The following CYP2D6 variants were observed in gnomAD, a reference collection of about 807,000 sequenced individuals.
CYP2D6 encodes cytochrome P450 2D6.
In CYP2D6, 51 loss-of-function variants were observed where a neutral mutation model predicts 43.5. The ratio of observed to expected loss-of-function variants is 1.17; its 90% CI spans 0.94 to 1.48. CYP2D6 has a LOEUF of 1.48. CYP2D6 is among the 40% of genes most tolerant of loss of function. The probability of loss-of-function intolerance (pLI) is 0.00; values close to 1 mark genes in which losing one functional copy is unlikely to be tolerated. For synonymous variants in CYP2D6, 346 were observed against 297.1 expected, an observed-to-expected ratio of 1.16 and a Z score of -1.69; for missense variants, 698 against 688.0, an observed-to-expected ratio of 1.01 and a Z score of -0.16.
intron 1 of CYP2D6, 181 bp downstream of exon 1, chr22:42,130,431 C>T: frequency 2.6e-6 from 2 of 762,188 alleles, no homozygotes; most frequent in Non-Finnish European, 2.2e-6. Context: ...TCTTCCTTGG[C>T]CTTTGGAAAA....
In CYP2D6 at chr22:42,127,482, G is replaced by A. The variant is rs141739595; in HGVS notation, c.1138C>T (p.Arg380Cys). The change falls in exon 7 of 9, where the codon CGT becomes TGT. Residue 380 changes from arginine (R) to cysteine (C), a missense_variant. Physicochemically the swap from Arg to Cys is radical, Grantham distance 180. This residue lies in a region of CYP2D6 where 16 missense variants were observed against 30.5 expected (regional missense o/e 0.52). Coordinates refer to ENST00000645361, the MANE Select transcript of CYP2D6 (RefSeq NM_000106.6). ...CGGAAGCCCTGTACTTCGATGTCAC[G>A]GGATGTCATATGGGTCACACCCAGG... ...VPLGVTHMTS[R>C]DIEVQGFRIP... 2.0e-5 allele frequency: 32 copies of A among 1,611,328 alleles called. No homozygotes were observed. The highest frequency in any genetic ancestry group is 8.0e-5 in the African/African-American group (6 of 74,680).
At chr22:42,127,693 C>G in intron 6 of CYP2D6, 59 bp from the exon 7 acceptor site, 2 of 1,583,732 alleles carry the variant, frequency 1.3e-6, no homozygotes, top group South Asian at 2.2e-5. Context: ...CCCTGACACT[C>G]CTTCTTGCCT....
chr22:42,128,530 A>G (rs1252079372), intron 4 of CYP2D6, among the ~76,000 whole-genome samples, 180 bp from the exon 5 acceptor site: 1 of 150,092 alleles, frequency 6.7e-6, no homozygotes, highest in African/African-American at 2.5e-5. Context: ...AGAAACCTAA[A>G]ATCGAAATCT....
Position 42,128,002 on chromosome 22 carries a change from A to G in CYP2D6, c.844-19T>C. The G allele has an allele frequency of 6.2e-7, 1 of 1,611,338 alleles. No homozygotes were observed. Among genetic ancestry groups the G allele is most frequent in the Non-Finnish European group, 8.5e-7 (1 of 1,178,312 alleles). The stretch of plus-strand genomic sequence containing the variant: ...CCTTGGCCTGAGCAGGGCCGAGAGC[A>G]TACTCGGGACAGAACGGGGTAGCCC... On this transcript the variant is annotated intron_variant, in intron 5 of 8. Transcript: ENST00000645361.
chr22:42,129,467 C>G (rs940850564), intron 2 of CYP2D6: 15 of 725,694 alleles, frequency 2.1e-5, no homozygotes, highest in African/African-American at 5.2e-5. Flanking sequence ...CCCCGCCCCC[C>G]ACTTCGACAC....
rs755706099 is a variant in CYP2D6, at chr22:42,128,213, G to A, written c.804C>T (p.Pro268=). 6 of 1,609,782 alleles carry A rather than the reference G, an allele frequency of 3.7e-6. No individual in the cohort carries two copies. The highest frequency in any genetic ancestry group is 3.3e-5 in the Admixed American group (2 of 59,736). ...CCAGGAAGGCCTCAGTCAGGTCTCG[G>A]GGGGGCTGGGCTGGGTCCCAGGTCA... ...HRMTWDPAQP[P]RDLTEAFLAE... The change falls in exon 5 of 9, where the codon CCC becomes CCT. Residue 268 remains proline (P), a synonymous_variant. Coordinates refer to ENST00000645361, the MANE Select transcript of CYP2D6 (RefSeq NM_000106.6).
chr22:42,129,150 C>A lies in CYP2D6; in HGVS notation c.388G>T (p.Glu130Ter), dbSNP rs771490928. 3.7e-6 allele frequency: 6 copies of A among 1,608,560 alleles called. No homozygotes were observed. In the Admixed American group the frequency reaches 5.0e-5, roughly 13 times the overall value. ...FLARYGPAWREQRRFSVSTLR... is the reference protein window; with the variant it reads ...FLARYGPAWR ...GTGGACACGGAGAAGCGCCTCTGCTCGCGCCACGCGGGCCCATAGCGCGCC... is the reference window on the plus strand; with the variant it reads ...GTGGACACGGAGAAGCGCCTCTGCTAGCGCCACGCGGGCCCATAGCGCGCC... Residue 130 changes from glutamate to a stop codon, truncating the protein, a stop_gained, in exon 3 of 9, where the codon GAG becomes TAG. Coordinates refer to ENST00000645361, the MANE Select transcript of CYP2D6 (RefSeq NM_000106.6). LOFTEE classifies it high-confidence loss of function.
chr22:42,129,267 C>G, intron 2 of CYP2D6, 82 bp from the exon 3 acceptor site: 1 of 1,511,992 alleles, frequency 6.6e-7, no homozygotes, highest in Non-Finnish European at 9.0e-7. Flanking sequence ...CTATGCTCCC[C>G]CTGGTCTCCC....
Position 42,128,336 on chromosome 22 carries a change from G to A in CYP2D6, c.681C>T (p.Val227=). 1 of 1,610,302 alleles carries A rather than the reference G, an allele frequency of 6.2e-7. No homozygotes were observed. Among genetic ancestry groups the A allele is most frequent in the South Asian group, 1.1e-5 (1 of 90,876 alleles). ...GCGCTGGGATATGCAGGAGGACGGGGACAGCATTCAGCACCTACACCAGAC... is the reference window on the plus strand; with the variant it reads ...GCGCTGGGATATGCAGGAGGACGGGAACAGCATTCAGCACCTACACCAGAC... ...SGFLREVLNA[V]PVLLHIPALA... Residue 227 remains valine (V), a synonymous_variant, in exon 5 of 9, where the codon GTC becomes GTT. Transcript: ENST00000645361.
chr22:42,127,631 C>A lies in CYP2D6; in HGVS notation c.989G>T (p.Arg330Leu), dbSNP rs141009491. Residue 330 changes from arginine (R) to leucine (L), a missense_variant, in exon 7 of 9, where the codon CGT becomes CTT. Coordinates refer to ENST00000645361, the MANE Select transcript of CYP2D6 (RefSeq NM_000106.6). Reference sequence around the variant, plus strand: ...CACGTCGTCGATCTCCTGTTGGACACGGCCTGGACAGACATGCGTCCCCAC... The same window carrying A: ...CACGTCGTCGATCTCCTGTTGGACAAGGCCTGGACAGACATGCGTCCCCAC... ...LMILHPDVQRRVQQEIDDVIG... is the reference protein window; with the variant it reads ...LMILHPDVQRLVQQEIDDVIG... 3 of 1,611,192 alleles carry A rather than the reference C, an allele frequency of 1.9e-6. 1 individual carries two copies. Among genetic ancestry groups the A allele is most frequent in the Non-Finnish European group, 2.5e-6 (3 of 1,178,110 alleles).
chr22:42,128,766 C>G lies in CYP2D6; in HGVS notation c.666+18G>C, dbSNP rs769541045. The G allele has an allele frequency of 1.9e-6, 3 of 1,565,004 alleles. No homozygotes were observed. Among genetic ancestry groups the G allele is most frequent in the Non-Finnish European group, 8.7e-7 (1 of 1,148,068 alleles). ...GGGAGCTCGCCCTGCAGAGACTCCT[C>G]GGTCTCTCGCTCCGCACCTCGCGCA... On this transcript the variant is annotated intron_variant, in intron 4 of 8. Transcript: ENST00000645361.
In CYP2D6 at chr22:42,130,713, G is replaced by C. The variant is rs2146944544; in HGVS notation, c.79C>G (p.Gln27Glu). 2 of 1,602,998 alleles carry C rather than the reference G, an allele frequency of 1.2e-6. No homozygotes were observed. Among genetic ancestry groups the C allele is most frequent in the African/African-American group, 1.3e-5 (1 of 74,118 alleles). Residue 27 changes from glutamine (Q) to glutamate (E), a missense_variant, in exon 1 of 9, where the codon CAA (glutamine) becomes GAA (glutamate). Gln to Glu is a conservative substitution (Grantham distance 29). Transcript: ENST00000645361. ...GGTGGGTAGCGTGCAGCCCAGCGTT[G>C]GCGCCGGTGCATCAGGTCCACCAGG... is the stretch of plus-strand genomic sequence containing the variant. Reference protein sequence around the residue: ...LLLVDLMHRRQRWAARYPPGP... With the variant: ...LLLVDLMHRRERWAARYPPGP...
Position 42,130,806 on chromosome 22 carries a change from C to T in CYP2D6, c.-15G>A. 2 of 1,555,906 alleles carry T rather than the reference C, an allele frequency of 1.3e-6. No homozygotes were observed. The highest frequency in any genetic ancestry group is 1.7e-6 in the Non-Finnish European group (2 of 1,148,744). The stretch of plus-strand genomic sequence containing the variant: ...TCTAGCCCCATACCTGCCTCACTAC[C>T]AAATGGGCTCCTCTGGACACACCTG... On this transcript the variant is annotated 5_prime_UTR_variant, in exon 1 of 9. Coordinates refer to ENST00000645361, the MANE Select transcript of CYP2D6 (RefSeq NM_000106.6).
rs76327133 is a variant in CYP2D6, at chr22:42,128,668, G to A, written c.666+116C>T. The A allele has an allele frequency of 5.7e-3, 7,185 of 1,256,310 alleles. 454 individuals carry two copies. In the African/African-American group the frequency reaches 0.094, roughly 16 times the overall value. 77.8% of individuals were successfully genotyped at this position (1,256,310 alleles called of 1,614,324 possible). A position where few individuals can be genotyped will look rare whatever the true frequency, so the allele number is the denominator to read the frequency against. ...GGCCCTTCTTACAGTGGGGTCTCCT[G>A]GAATGTCCTTTCCCAAACCCATCTA... On this transcript the variant is annotated intron_variant, in intron 4 of 8. Coordinates refer to ENST00000645361, the MANE Select transcript of CYP2D6 (RefSeq NM_000106.6).
In CYP2D6 at chr22:42,127,790, C is replaced by A. The variant is rs569426051; in HGVS notation, c.985+52G>T. ...TGTCCCAGCAAAGTTCATGGGCCCC[C>A]GCCTGTACCCTTCCTCCCTCGGCCC... On this transcript the variant is annotated intron_variant, in intron 6 of 8. Transcript: ENST00000645361. 2.5e-6 allele frequency: 4 copies of A among 1,601,734 alleles called. 1 individual carries two copies. In the African/African-American group the frequency reaches 4.1e-5, roughly 16 times the overall value.
At chr22:42,127,087 A>G (rs1931042658) in intron 7 of CYP2D6, 95 bp from the exon 8 acceptor site, 3 of 1,431,452 alleles carry the variant, frequency 2.1e-6, no homozygotes, top group South Asian at 1.2e-5. Context: ...TGCCTGGCAC[A>G]CAGCTGGACT....
rs750012037 is a variant in CYP2D6, at chr22:42,129,728, C to T, written c.352+10G>A. On this transcript the variant is annotated intron_variant, in intron 2 of 8. Transcript: ENST00000645361. ...CACGGAAATCTGTCTCTGTCCCCAC[C>T]GCTGCTTGCCTTGGGAACGCGGCCC... The T allele has an allele frequency of 1.2e-5, 19 of 1,609,570 alleles. No individual in the cohort carries two copies. The highest frequency in any genetic ancestry group is 4.5e-5 in the East Asian group (2 of 44,754).
rs750817194 is a variant in CYP2D6 at position 42,128,210 on chromosome 22, T to C, written c.807A>G (p.Arg269=). ...CTGCCAGGAAGGCCTCAGTCAGGTC[T>C]CGGGGGGGCTGGGCTGGGTCCCAGG... ...RMTWDPAQPP[R]DLTEAFLAEM... The change falls in exon 5 of 9, where the codon CGA becomes CGG. Residue 269 remains arginine (R), a synonymous_variant. Coordinates refer to ENST00000645361, the MANE Select transcript of CYP2D6 (RefSeq NM_000106.6). 2.1e-5 allele frequency: 33 copies of C among 1,609,438 alleles called. No individual in the cohort carries two copies. The highest frequency in any genetic ancestry group is 2.8e-5 in the Non-Finnish European group (33 of 1,177,538).
Position 42,129,080 on chromosome 22 carries a change from A to G in CYP2D6, c.458T>C (p.Val153Ala). The G allele has an allele frequency of 1.2e-6, 2 of 1,609,460 alleles. No individual in the cohort carries two copies. Among genetic ancestry groups the G allele is most frequent in the Non-Finnish European group, 1.7e-6 (2 of 1,177,592 alleles). ...ACAAAGGCAGGCGGCCTCCTCGGTC[A>G]CCCACTGCTCCAGCGACTTCTTGCC... ...GLGKKSLEQWVTEEAACLCAA... is the reference protein window; with the variant it reads ...GLGKKSLEQWATEEAACLCAA... The change falls in exon 3 of 9, where the codon GTG becomes GCG. Residue 153 changes from valine to alanine, a missense_variant. Around this residue, in one of 5 missense-constraint regions of CYP2D6, gnomAD observed 588 missense variants for 521.1 expected, o/e 1.13. Transcript: ENST00000645361.
Sources: allele counts gnomAD v4.1 joint callset (sites outside exome capture counted in the v4.1 genomes callset), GRCh38; gene constraint gnomAD v4.1.1; regional missense constraint gnomAD v4.1.1; transcripts MANE v1.5; gene names NCBI Gene and HGNC (gene_info 2026-07-23, HGNC 2026-07-21).